Variants in NLRP13 observed in about 807,000 individuals in gnomAD.
NLRP13 encodes the protein NACHT, LRR and PYD domains-containing protein 13.
A neutral mutation model predicts 94.4 loss-of-function variants in NLRP13; 82 were observed. The observed-to-expected ratio is 0.87, with a 90% CI of 0.73 to 1.04. The LOEUF is 1.04. Ranked by LOEUF, NLRP13 falls within the 50% of genes least tolerant of loss-of-function variation. NLRP13 has a pLI of 0.00. For missense variants in NLRP13, 1,426 were observed against 1,230.8 expected, an observed-to-expected ratio of 1.16 and a Z score of -2.37; for synonymous variants, 553 against 464.7, an observed-to-expected ratio of 1.19 and a Z score of -2.45.
chr19:55,892,354 C>G (rs924105135), downstream of NLRP13, among the ~76,000 whole-genome samples: 1 of 141,442 alleles, frequency 7.1e-6, no homozygotes, highest in African/African-American at 2.7e-5. Context: ...GTCTTGTCAA[C>G]AAATATATGT....
intron 9 of NLRP13, among the ~76,000 whole-genome samples, chr19:55,900,103 TTAA>T (rs1026640423): frequency 2.0e-4 from 30 of 152,274 alleles, no homozygotes; most frequent in African/African-American, 7.0e-4. Flanking sequence ...ATTAACTAAC[TTAA>T]TTATTCCACA....
chr19:55,906,376 CAG>C (rs969526752), intron 7 of NLRP13, among the ~76,000 whole-genome samples: 8 of 138,928 alleles, frequency 5.8e-5, no homozygotes, highest in Non-Finnish European at 1.1e-4. Flanking sequence ...GACAGACAGA[CAG>C]AAAGAAAGAC....
rs1043933824 is a variant in NLRP13 at position 55,899,484 on chromosome 19, C to A, written c.2790-547G>T. On this transcript the variant is annotated intron_variant, in intron 9 of 10. Transcript: ENST00000342929. Reference sequence around the variant, plus strand: ...CCAAAATCCTTAAACCCACCCCCCCCATCCCAAAAAGGTTTGGCCGGGCAC... The same window carrying A: ...CCAAAATCCTTAAACCCACCCCCCCAATCCCAAAAAGGTTTGGCCGGGCAC... Among the ~76,000 whole-genome samples, 8 of 152,154 alleles carry A rather than the reference C, an allele frequency of 5.3e-5. No homozygotes were observed. The East Asian group carries it at 7.8e-4, about 15-fold the overall frequency.
At chr19:55,917,345 C>T (rs111243400) in intron 4 of NLRP13, among the ~76,000 whole-genome samples, 82 of 151,966 alleles carry the variant, frequency 5.4e-4, no homozygotes, top group African/African-American at 2.0e-3. Flanking sequence ...TGACACAATT[C>T]CATCAAATCA....
chr19:55,914,836 T>TA (rs1986636707), intron 4 of NLRP13, among the ~76,000 whole-genome samples: 1 of 152,224 alleles, frequency 6.6e-6, no homozygotes, highest in Non-Finnish European at 1.5e-5. Context: ...GATGGATACC[T>TA]AGGTTGATTT....
chr19:55,928,591 A>C (rs918013475), intron 1 of NLRP13, among the ~76,000 whole-genome samples: 1 of 152,190 alleles, frequency 6.6e-6, no homozygotes, highest in Non-Finnish European at 1.5e-5. Context: ...ATTTTTAAAA[A>C]TCAGCAACAA....
intron 9 of NLRP13, among the ~76,000 whole-genome samples, chr19:55,901,540 G>A (rs1329777364): frequency 6.6e-6 from 1 of 152,178 alleles, no homozygotes; most frequent in East Asian, 1.9e-4. Context: ...AGCATGCCTG[G>A]GCACGTAGTA....
In NLRP13 at chr19:55,907,972, G is replaced by T. The variant is rs112995749; in HGVS notation, c.2283-16C>A. 10 of 1,586,976 alleles carry T rather than the reference G, an allele frequency of 6.3e-6. No homozygotes were observed. In the African/African-American group the frequency reaches 8.1e-5, roughly 13 times the overall value. On this transcript the variant is annotated splice_polypyrimidine_tract_variant and intron_variant, in intron 6 of 10. Coordinates refer to ENST00000342929, the MANE Select transcript of NLRP13 (RefSeq NM_176810.2). Reference sequence around the variant, plus strand: ...CGATTTGCACCTGAGGAAGGGAAGGGACATGAAAGCTGGATTGGGGGAGAA... The same window carrying T: ...CGATTTGCACCTGAGGAAGGGAAGGTACATGAAAGCTGGATTGGGGGAGAA...
At chr19:55,899,056 C>G (rs1304423879) in intron 9 of NLRP13, 119 bp from the exon 10 acceptor site, 8 of 1,102,048 alleles carry the variant, frequency 7.3e-6, no homozygotes, top group Non-Finnish European at 8.8e-6. Context: ...GACTTTTGTC[C>G]CAAGCCTCGA....
chr19:55,897,533 T>C (rs1169932320), intron 10 of NLRP13, among the ~76,000 whole-genome samples: 1 of 152,072 alleles, frequency 6.6e-6, no homozygotes, highest in East Asian at 1.9e-4. Context: ...AAAGCCCTTC[T>C]TTTAGAAAGA....
chr19:55,923,926 G>T lies in NLRP13; in HGVS notation c.511C>A (p.Leu171Ile). 1 of 1,613,358 alleles carries T rather than the reference G, an allele frequency of 6.2e-7. No homozygotes were observed. Among genetic ancestry groups the T allele is most frequent in the Non-Finnish European group, 8.5e-7 (1 of 1,179,390 alleles). Residue 171 changes from leucine (L) to isoleucine (I), a missense_variant, in exon 4 of 11, where the codon CTA becomes ATA. Physicochemically the swap from Leu to Ile is conservative, Grantham distance 5. Transcript: ENST00000342929. ...GTAGTATACACACCTGCTTCCTCTA[G>T]CATCTCTGGTTCTTCTTGGTTTGGA... The part of the protein sequence containing the change: ...QDPNQEEPEM[L>I]EEADHRRKYR...
chr19:55,918,151 T>C (rs1986717342), intron 4 of NLRP13, among the ~76,000 whole-genome samples: 1 of 151,298 alleles, frequency 6.6e-6, no homozygotes, highest in African/African-American at 2.4e-5. Context: ...AAACAACTGC[T>C]CCTAAACAAT....
At chr19:55,892,430 C>T (rs531216925), downstream of NLRP13, among the ~76,000 whole-genome samples, 11 of 151,874 alleles carry the variant, frequency 7.2e-5, no homozygotes, top group East Asian at 1.6e-3. Context: ...TACACATATA[C>T]GTATTGTTTG....
rs769271982 is a variant in NLRP13, at chr19:55,910,712, C to G, written c.2133G>C (p.Arg711Ser). The change falls in exon 6 of 11, where the codon AGG (arginine) becomes AGC (serine). Residue 711 changes from arginine to serine, a missense_variant. By Grantham distance (110) the Arg-to-Ser change is moderately radical. Coordinates refer to ENST00000342929, the MANE Select transcript of NLRP13 (RefSeq NM_176810.2). ...AGCAAATGCTGTTCCATGCGTGCAT[C>G]CTGGAATCAAACTTGCTTGTCCTTC... is the stretch of plus-strand genomic sequence containing the variant. ...EILETSKFDS[R>S]MHAWNSICST... 9 of 1,608,410 alleles carry G rather than the reference C, an allele frequency of 5.6e-6. No homozygotes were observed. The Admixed American group carries it at 8.4e-5, about 15-fold the overall frequency.
At chr19:55,900,039 A>C (rs1986123485) in intron 9 of NLRP13, among the ~76,000 whole-genome samples, 1 of 151,774 alleles carries the variant, frequency 6.6e-6, no homozygotes, top group Admixed American at 6.6e-5. Flanking sequence ...TAACATAATA[A>C]ATTTCAAATA....
chr19:55,898,917 G>A lies in NLRP13; in HGVS notation c.2810C>T (p.Thr937Ile). 6.2e-7 allele frequency: 1 copy of A among 1,605,168 alleles called. No individual in the cohort carries two copies. Among genetic ancestry groups the A allele is most frequent in the Non-Finnish European group, 8.5e-7 (1 of 1,177,648 alleles). ...AGCCAGCTCTCCACAGCCCTCTCTT[G>A]TGAAAGAACAACCTGACAAACTGCA... Reference protein sequence around the residue: ...QSLNLSGCSFTREGCGELANA... With the variant: ...QSLNLSGCSFIREGCGELANA... Residue 937 changes from threonine (T) to isoleucine (I), a missense_variant, in exon 10 of 11, where the codon ACA (threonine) becomes ATA (isoleucine). Transcript: ENST00000342929.
rs992409656 is a variant in NLRP13 at position 55,906,364 on chromosome 19, TAGAC to T, written c.2448-1256_2448-1253del. Among the ~76,000 whole-genome samples the T allele has an allele frequency of 4.8e-3, 522 of 109,306 alleles. 2 individuals are homozygous for T. Among genetic ancestry groups the T allele is most frequent in the African/African-American group, 0.014 (410 of 28,936 alleles). 71.7% of individuals were successfully genotyped at this position (109,306 alleles called of 152,430 possible). A position where few individuals can be genotyped will look rare whatever the true frequency, so the allele number is the denominator to read the frequency against. On this transcript the variant is annotated intron_variant, in intron 7 of 10. Transcript: ENST00000342929. Reference sequence around the variant, plus strand: ...AAAAAAAAAAAAAAAAGACAGATGATAGACAGACAGACAGAAAGAAAGACAGAAA... The same window carrying T: ...AAAAAAAAAAAAAAAAGACAGATGATAGACAGACAGAAAGAAAGACAGAAA...
downstream of NLRP13, chr19:55,895,885 A>G: frequency 6.5e-7 from 1 of 1,550,318 alleles, no homozygotes; most frequent in Non-Finnish European, 8.8e-7. Flanking sequence ...CATGCTCTAG[A>G]AGCCTAGTCA....
chr19:55,894,960 T>C (rs1985961949), downstream of NLRP13, among the ~76,000 whole-genome samples: 1 of 152,190 alleles, frequency 6.6e-6, no homozygotes, highest in African/African-American at 2.4e-5. Flanking sequence ...AGTAGGTTGA[T>C]GCAAAAGTAA....
Sources: allele counts gnomAD v4.1 joint callset (sites outside exome capture counted in the v4.1 genomes callset), GRCh38; gene constraint gnomAD v4.1.1; transcripts MANE v1.5; gene names NCBI Gene and HGNC (gene_info 2026-07-23, HGNC 2026-07-21).